Variants in PLEKHA5 observed in about 807,000 individuals in gnomAD.
The protein encoded by PLEKHA5 is pleckstrin homology domain-containing family A member 5.
PLEKHA5 carries 55 observed loss-of-function variants against 181.9 expected under a neutral mutation model. The ratio of observed to expected loss-of-function variants is 0.30; its 90% CI spans 0.24 to 0.38. PLEKHA5 has a LOEUF of 0.38. Among genes scored for constraint, PLEKHA5 ranks in the 10% least tolerant of loss-of-function variants. The probability of loss-of-function intolerance (pLI) is 1.00; values close to 1 mark genes in which losing one functional copy is unlikely to be tolerated. For synonymous variants in PLEKHA5, 535 were observed against 529.4 expected (o/e 1.01, Z -0.15); for missense variants, 1,432 against 1,549.5 (o/e 0.92, Z 1.27).
intron 3 of PLEKHA5, among the ~76,000 whole-genome samples, chr12:19,230,135 A>C (rs2060272830): frequency 6.6e-6 from 1 of 151,958 alleles, no homozygotes; most frequent in South Asian, 2.1e-4. Context: ...GGTAGACATA[A>C]GGGTTCTCCA....
At chr12:19,225,242 T>C (rs1243696616) in intron 3 of PLEKHA5, among the ~76,000 whole-genome samples, 3 of 152,128 alleles carry the variant, frequency 2.0e-5, no homozygotes, top group South Asian at 4.1e-4. Context: ...TACTCCATCT[T>C]TGGGGAGAGA....
At chr12:19,370,578 A>G (rs2095549646) in intron 31 of PLEKHA5, 1 of 152,098 alleles carries the variant, frequency 6.6e-6, no homozygotes. Context: ...AGCATCTACC[A>G]TATCTAGTAA....
intron 3 of PLEKHA5, among the ~76,000 whole-genome samples, chr12:19,216,246 G>T (rs536549709): frequency 6.2e-4 from 95 of 152,242 alleles, no homozygotes; most frequent in African/African-American, 1.9e-3. Flanking sequence ...AGCTAAATAG[G>T]CAGGCTTCCT....
chr12:19,135,294 T>C (rs1451357248), intron 3 of PLEKHA5, among the ~76,000 whole-genome samples: 7 of 152,080 alleles, frequency 4.6e-5, no homozygotes, highest in East Asian at 1.9e-4. Context: ...AGGAGAGGAT[T>C]GTAGTGGGGA....
chr12:19,247,748 C>CT (rs200926055), intron 3 of PLEKHA5, among the ~76,000 whole-genome samples: 128 of 147,734 alleles, frequency 8.7e-4, no homozygotes, highest in African/African-American at 3.0e-3. Flanking sequence ...GGTATCTTTT[C>CT]TTTTTTTAAA....
chr12:19,146,678 A>C (rs2039003160), intron 3 of PLEKHA5, among the ~76,000 whole-genome samples: 1 of 152,178 alleles, frequency 6.6e-6, no homozygotes, highest in Admixed American at 6.5e-5. Flanking sequence ...CCCAGTGTGC[A>C]CCCACTTAGG....
intron 3 of PLEKHA5, among the ~76,000 whole-genome samples, chr12:19,208,223 C>T (rs2056079701): frequency 6.6e-6 from 1 of 150,564 alleles, no homozygotes. Context: ...GCCTGGCCAA[C>T]ATGGTGAAAC....
intron 16 of PLEKHA5, among the ~76,000 whole-genome samples, chr12:19,315,867 T>C (rs1188961005): frequency 6.6e-6 from 1 of 152,140 alleles, no homozygotes; most frequent in East Asian, 1.9e-4. Context: ...TGGATACAAT[T>C]GATCAGAGGG....
At chr12:19,310,487 G>A (rs2086067042) in intron 15 of PLEKHA5, among the ~76,000 whole-genome samples, 1 of 151,390 alleles carries the variant, frequency 6.6e-6, no homozygotes, top group Admixed American at 6.6e-5. Context: ...GTGGGCACCT[G>A]TAATCCCAGC....
chr12:19,274,422 C>A, intron 10 of PLEKHA5, 94 bp from the exon 11 acceptor site: 1 of 811,420 alleles, frequency 1.2e-6, no homozygotes, highest in Non-Finnish European at 1.9e-6. Flanking sequence ...CTGGCCCCCA[C>A]CCCCGTAAAG....
At chr12:19,322,818 G>T (rs1016235890) in intron 20 of PLEKHA5, 151 bp downstream of exon 20, 13 of 586,752 alleles carry the variant, frequency 2.2e-5, no homozygotes, top group Non-Finnish European at 2.9e-5. Flanking sequence ...TTCTGTTTAG[G>T]AACATAAAAT....
At chr12:19,281,003 G>A (rs1020901195) in intron 11 of PLEKHA5, among the ~76,000 whole-genome samples, 1 of 151,952 alleles carries the variant, frequency 6.6e-6, no homozygotes, top group African/African-American at 2.4e-5. Flanking sequence ...AAGCCACCAC[G>A]CCCAGCCTAA....
chr12:19,311,005 A>G (rs1217094608), intron 15 of PLEKHA5, among the ~76,000 whole-genome samples: 2 of 152,162 alleles, frequency 1.3e-5, no homozygotes, highest in Non-Finnish European at 2.9e-5. Flanking sequence ...GAAGGTTGGG[A>G]TAGCTGTGGC....
At chr12:19,194,276 TTTA>T (rs1374391268) in intron 3 of PLEKHA5, among the ~76,000 whole-genome samples, 27 of 152,200 alleles carry the variant, frequency 1.8e-4, no homozygotes, top group African/African-American at 6.3e-4. Flanking sequence ...AAGAAATGAT[TTTA>T]TTATTTTTTC....
At chr12:19,232,918 A>G (rs1258954200) in intron 3 of PLEKHA5, among the ~76,000 whole-genome samples, 1 of 152,146 alleles carries the variant, frequency 6.6e-6, no homozygotes, top group African/African-American at 2.4e-5. Flanking sequence ...TTGGTGGCAT[A>G]GAGTTTATTC....
At chr12:19,342,653 C>T (rs533072343) in intron 21 of PLEKHA5, among the ~76,000 whole-genome samples, 3 of 151,998 alleles carry the variant, frequency 2.0e-5, no homozygotes, top group Admixed American at 6.6e-5. Flanking sequence ...TAGCACGTGC[C>T]GTAATCCCCA....
chr12:19,132,872 T>C (rs538698742), intron 3 of PLEKHA5, among the ~76,000 whole-genome samples: 12 of 150,596 alleles, frequency 8.0e-5, no homozygotes, highest in Middle Eastern at 3.4e-3. Flanking sequence ...GATCTTTGAT[T>C]ATCTGTGCTG....
chr12:19,243,786 G>C (rs763189495), intron 3 of PLEKHA5, among the ~76,000 whole-genome samples: 1 of 152,118 alleles, frequency 6.6e-6, no homozygotes, highest in Non-Finnish European at 1.5e-5. Flanking sequence ...AAAAATTACA[G>C]TCTTTGAGAT....
At chr12:19,212,503 A>G (rs1410854444) in intron 3 of PLEKHA5, among the ~76,000 whole-genome samples, 2 of 152,118 alleles carry the variant, frequency 1.3e-5, no homozygotes, top group Non-Finnish European at 2.9e-5. Flanking sequence ...CAACATGGTG[A>G]TATCTCATCT....
Sources: gnomAD v4.1 joint callset for allele counts (sites outside exome capture counted in the v4.1 genomes callset) on GRCh38, gnomAD v4.1.1 for gene constraint, MANE v1.5 for transcripts, NCBI Gene and HGNC (gene_info 2026-07-23, HGNC 2026-07-21) for gene names.